Variants in DLGAP2 observed in about 807,000 individuals in gnomAD.
The protein encoded by DLGAP2 is disks large-associated protein 2.
Under a neutral mutation model 100.3 loss-of-function variants are expected in DLGAP2, and 26 were observed. The observed-to-expected ratio is 0.26, with a 90% CI of 0.19 to 0.36. The LOEUF is 0.36. Among genes scored for constraint, DLGAP2 ranks in the 10% least tolerant of loss-of-function variants. The pLI is 1.00. For synonymous variants in DLGAP2, 886 were observed against 630.1 expected, an observed-to-expected ratio of 1.41 and a Z score of -6.08; for missense variants, 1,858 against 1,453.2, an observed-to-expected ratio of 1.28 and a Z score of -4.53.
chr8:1,591,529 C>G (rs1457080151), intron 6 of DLGAP2, among the ~76,000 whole-genome samples: 3 of 127,280 alleles, frequency 2.4e-5, no homozygotes, highest in Admixed American at 7.8e-5. Context: ...TCCTGCCTAA[C>G]CCCCTCCTCC....
intron 2 of DLGAP2, among the ~76,000 whole-genome samples, chr8:1,074,597 A>G (rs1803544915): frequency 6.6e-6 from 1 of 152,180 alleles, no homozygotes; most frequent in Non-Finnish European, 1.5e-5. Flanking sequence ...ACCAAGAGCA[A>G]GCCTAGATCA....
At chr8:1,689,827 GC>G (rs749985214) in intron 12 of DLGAP2, among the ~76,000 whole-genome samples, 12 of 152,316 alleles carry the variant, frequency 7.9e-5, no homozygotes, top group Non-Finnish European at 1.5e-4. Context: ...GGCAGCCCTG[GC>G]CCCACGTGCT....
At chr8:983,055 T>C (rs1416742384) in intron 2 of DLGAP2, among the ~76,000 whole-genome samples, 1 of 152,194 alleles carries the variant, frequency 6.6e-6, no homozygotes, top group Non-Finnish European at 1.5e-5. Context: ...CTATTCACTT[T>C]TCCTGCGGGA....
chr8:1,018,853 A>G (rs957904459), intron 2 of DLGAP2: 6 of 152,176 alleles, frequency 3.9e-5, no homozygotes, highest in Non-Finnish European at 7.3e-5. Context: ...GCATGAATCG[A>G]TTTCCAGTCG....
chr8:1,673,748 A>T (rs562877530), intron 10 of DLGAP2, among the ~76,000 whole-genome samples: 8 of 152,336 alleles, frequency 5.3e-5, no homozygotes, highest in Admixed American at 5.2e-4. Flanking sequence ...ACAAAATTTA[A>T]AAGAGTTTCC....
intron 3 of DLGAP2, among the ~76,000 whole-genome samples, chr8:1,294,215 C>G (rs1293100462): frequency 6.6e-6 from 1 of 152,202 alleles, no homozygotes; most frequent in Non-Finnish European, 1.5e-5. Flanking sequence ...TCTCCCCTTG[C>G]CAGTCATTCA....
intron 3 of DLGAP2, among the ~76,000 whole-genome samples, chr8:1,334,912 C>T (rs911955852): frequency 3.3e-5 from 5 of 152,222 alleles, no homozygotes; most frequent in African/African-American, 1.2e-4. Flanking sequence ...CCTTGGCCCT[C>T]CCTGCGGGGC....
At chr8:1,586,587 G>A (rs1212286666) in intron 6 of DLGAP2, among the ~76,000 whole-genome samples, 3 of 152,154 alleles carry the variant, frequency 2.0e-5, no homozygotes, top group South Asian at 2.1e-4. Flanking sequence ...CTTCATGCCC[G>A]CTTGATGTGT....
chr8:1,156,034 T>A (rs1796777948), intron 2 of DLGAP2, among the ~76,000 whole-genome samples: 1 of 152,078 alleles, frequency 6.6e-6, no homozygotes, highest in African/African-American at 2.4e-5. Context: ...TGCTGCTGCG[T>A]CCCTGACACC....
intron 8 of DLGAP2, among the ~76,000 whole-genome samples, chr8:1,637,818 A>T (rs1797803996): frequency 6.6e-6 from 1 of 152,192 alleles, no homozygotes; most frequent in South Asian, 2.1e-4. Flanking sequence ...GCCATGGCAC[A>T]CCTGCTGGGT....
intron 1 of DLGAP2, among the ~76,000 whole-genome samples, chr8:788,769 T>A (rs1021064546): frequency 1.3e-5 from 2 of 152,190 alleles, no homozygotes; most frequent in African/African-American, 4.8e-5. Context: ...ACAGCAGAAG[T>A]CACTTATTTT....
At chr8:883,517 T>TA (rs74275082) in intron 1 of DLGAP2, among the ~76,000 whole-genome samples, 555 of 147,330 alleles carry the variant, frequency 3.8e-3, no homozygotes, top group Admixed American at 4.7e-3. Context: ...AATTTCTTCT[T>TA]AAAAAAAAAA....
intron 2 of DLGAP2, among the ~76,000 whole-genome samples, chr8:1,048,496 G>T (rs534151138): frequency 6.6e-6 from 1 of 151,896 alleles, no homozygotes; most frequent in Non-Finnish European, 1.5e-5. Context: ...AAGGTGTGGG[G>T]TGGGCCCTGC....
In DLGAP2 at chr8:848,839, T is replaced by C. The variant is rs189066452; in HGVS notation, c.19-59073T>C. On this transcript the variant is annotated intron_variant, in intron 1 of 14. Coordinates refer to ENST00000637795, the MANE Select transcript of DLGAP2 (RefSeq NM_001346810.2). ...CCAGGGTTTGTTCCAGTCTAGGATC[T>C]TGTGATGTGTGTTCCAGCATAGGAT... Among the ~76,000 whole-genome samples the C allele has an allele frequency of 5.3e-4, 80 of 150,854 alleles. 1 individual carries two copies. In the East Asian group the frequency reaches 0.015, roughly 29 times the overall value.
chr8:1,572,687 A>AG (rs1802779094), intron 6 of DLGAP2, among the ~76,000 whole-genome samples: 2 of 98,062 alleles, frequency 2.0e-5, no homozygotes, highest in Non-Finnish European at 4.0e-5. Context: ...GAGAGGAGAG[A>AG]GGGTGGACTG....
chr8:1,436,682 G>C (rs1352175966), intron 3 of DLGAP2, among the ~76,000 whole-genome samples: 1 of 152,126 alleles, frequency 6.6e-6, no homozygotes, highest in Admixed American at 6.5e-5. Context: ...GTCTACAGTA[G>C]CATACAGTGA....
At chr8:1,254,328 G>T (rs1167361418) in intron 2 of DLGAP2, among the ~76,000 whole-genome samples, 1 of 152,118 alleles carries the variant, frequency 6.6e-6, no homozygotes, top group East Asian at 1.9e-4. Flanking sequence ...AAGGCCTCGT[G>T]GTCTCCTCCA....
intron 3 of DLGAP2, among the ~76,000 whole-genome samples, chr8:1,443,882 G>C (rs1213655617): frequency 2.0e-5 from 3 of 152,166 alleles, no homozygotes; most frequent in Non-Finnish European, 1.5e-5. Flanking sequence ...CAGGGTGAGT[G>C]ACTTGGAAGT....
At chr8:1,678,004 C>G (rs1170430523) in intron 11 of DLGAP2, among the ~76,000 whole-genome samples, 1 of 152,170 alleles carries the variant, frequency 6.6e-6, no homozygotes, top group South Asian at 2.1e-4. Flanking sequence ...AGGCCTGAGA[C>G]TTAGGCAGAT....
Sources: gnomAD v4.1 joint callset for allele counts (sites outside exome capture counted in the v4.1 genomes callset) on GRCh38, gnomAD v4.1.1 for gene constraint, MANE v1.5 for transcripts, NCBI Gene and HGNC (gene_info 2026-07-23, HGNC 2026-07-21) for gene names.